Variants in TNR observed in about 807,000 individuals in gnomAD.
TNR encodes the protein tenascin R.
A neutral mutation model predicts 150.4 loss-of-function variants in TNR; 45 were observed. The observed-to-expected ratio is 0.30, with a 90% CI of 0.24 to 0.38. The LOEUF (loss-of-function observed/expected upper bound fraction) is 0.38. Among genes scored for constraint, TNR ranks in the 10% least tolerant of loss-of-function variants. TNR has a pLI of 1.00. For missense variants in TNR, 1,544 were observed against 1,759.1 expected (o/e 0.88, Z 2.19); for synonymous variants, 687 against 678.4 (o/e 1.01, Z -0.20).
chr1:175,714,853 T>C (rs1667112652), intron 1 of TNR, among the ~76,000 whole-genome samples: 1 of 152,214 alleles, frequency 6.6e-6, no homozygotes, highest in Non-Finnish European at 1.5e-5. Context: ...CTTGTGAGGC[T>C]GCCTGCTCAC....
At chr1:175,653,501 G>A (rs1259036275) in intron 1 of TNR, among the ~76,000 whole-genome samples, 1 of 152,180 alleles carries the variant, frequency 6.6e-6, no homozygotes, top group East Asian at 1.9e-4. Flanking sequence ...AGTGGGTGTT[G>A]ATAGGGCTAA....
intron 14 of TNR, among the ~76,000 whole-genome samples, chr1:175,360,320 TG>T (rs1190358797): frequency 1.3e-5 from 2 of 152,186 alleles, no homozygotes; most frequent in African/African-American, 4.8e-5. Context: ...ATCTGATTAT[TG>T]GATGATTGCT....
At chr1:175,673,668 C>CT in intron 1 of TNR, among the ~76,000 whole-genome samples, 1 of 152,312 alleles carries the variant, frequency 6.6e-6, no homozygotes, top group East Asian at 1.9e-4. Flanking sequence ...GCCTCACAAT[C>CT]GAAGTGAGTA....
intron 2 of TNR, among the ~76,000 whole-genome samples, chr1:175,498,109 C>T (rs1211025763): frequency 6.8e-6 from 1 of 146,854 alleles, no homozygotes; most frequent in African/African-American, 2.7e-5. Flanking sequence ...AAACAAAAAA[C>T]AAACAAAGAA....
chr1:175,571,543 A>G (rs76261079), intron 1 of TNR, among the ~76,000 whole-genome samples: 7,123 of 152,270 alleles, frequency 0.047, 575 homozygotes, highest in African/African-American at 0.16. Flanking sequence ...CCTGTATGCT[A>G]AAACCCTTCC....
At chr1:175,419,528 C>T (rs1654656279) in intron 2 of TNR, among the ~76,000 whole-genome samples, 1 of 152,124 alleles carries the variant, frequency 6.6e-6, no homozygotes, top group Non-Finnish European at 1.5e-5. Context: ...GCATGGTGTC[C>T]AATTCCTCTG....
At chr1:175,703,962 T>C (rs1170232416) in intron 1 of TNR, among the ~76,000 whole-genome samples, 1 of 152,228 alleles carries the variant, frequency 6.6e-6, no homozygotes, top group East Asian at 1.9e-4. Context: ...TTGTATTGTG[T>C]ATGGTAGTCA....
intron 14 of TNR, among the ~76,000 whole-genome samples, chr1:175,359,974 A>G (rs1651518219): frequency 1.3e-5 from 2 of 152,178 alleles, no homozygotes; most frequent in African/African-American, 2.4e-5. Context: ...CCTTTTAATT[A>G]ATTCAATAAC....
At chr1:175,562,553 G>A (rs567522974) in intron 1 of TNR, among the ~76,000 whole-genome samples, 1 of 152,350 alleles carries the variant, frequency 6.6e-6, no homozygotes, top group Non-Finnish European at 1.5e-5. Flanking sequence ...GAAAGGTTAT[G>A]GCTGAATGAC....
intron 2 of TNR, among the ~76,000 whole-genome samples, chr1:175,446,676 G>T (rs1656059194): frequency 6.6e-6 from 1 of 151,942 alleles, no homozygotes; most frequent in South Asian, 2.1e-4. Context: ...CAAATTATTT[G>T]TATAATTTTA....
At chr1:175,544,072 G>A (rs1470760798) in intron 1 of TNR, among the ~76,000 whole-genome samples, 3 of 152,168 alleles carry the variant, frequency 2.0e-5, no homozygotes, top group Non-Finnish European at 4.4e-5. Flanking sequence ...GACAAGCAAG[G>A]TTTGGTTATG....
At chr1:175,377,638 GCA>G (rs1652471260) in intron 9 of TNR, among the ~76,000 whole-genome samples, 1 of 151,992 alleles carries the variant, frequency 6.6e-6, no homozygotes, top group African/African-American at 2.4e-5. Context: ...TCTGGAAAAG[GCA>G]TTTATTATAT....
chr1:175,440,177 A>G (rs1195275802), intron 2 of TNR, among the ~76,000 whole-genome samples: 1 of 152,214 alleles, frequency 6.6e-6, no homozygotes, highest in Non-Finnish European at 1.5e-5. Flanking sequence ...CATATACGCC[A>G]TGGAATACTA....
chr1:175,481,983 G>A (rs1017700454), intron 2 of TNR, among the ~76,000 whole-genome samples: 3 of 152,122 alleles, frequency 2.0e-5, no homozygotes, highest in Admixed American at 6.5e-5. Context: ...CCCACCTGAT[G>A]CACTCAGCCT....
intron 1 of TNR, among the ~76,000 whole-genome samples, chr1:175,649,672 G>T (rs1664897107): frequency 6.6e-6 from 1 of 152,126 alleles, no homozygotes; most frequent in Non-Finnish European, 1.5e-5. Flanking sequence ...TTCCATGGGA[G>T]ACCACTGCCT....
chr1:175,331,618 G>A (rs115744049), intron 20 of TNR, among the ~76,000 whole-genome samples: 1 of 152,196 alleles, frequency 6.6e-6, no homozygotes, highest in African/African-American at 2.4e-5. Flanking sequence ...CATGCCCTGG[G>A]ACTCTCCAAT....
At chr1:175,493,663 C>T (rs564814976) in intron 2 of TNR, among the ~76,000 whole-genome samples, 18 of 152,352 alleles carry the variant, frequency 1.2e-4, no homozygotes, top group South Asian at 1.0e-3. Flanking sequence ...TTTCCATTCC[C>T]GACTCCGGTT....
At chr1:175,394,008 G>T in intron 5 of TNR, 113 bp from the exon 6 acceptor site, 1 of 818,642 alleles carries the variant, frequency 1.2e-6, no homozygotes, top group Non-Finnish European at 2.0e-6. Flanking sequence ...GGTGGTGTCT[G>T]GTGGACAATC....
At chr1:175,461,344 G>T (rs1656812390) in intron 2 of TNR, among the ~76,000 whole-genome samples, 1 of 152,086 alleles carries the variant, frequency 6.6e-6, no homozygotes, top group African/African-American at 2.4e-5. Flanking sequence ...GATGACTTTT[G>T]CTCCCAACAA....
Sources: gnomAD v4.1 joint callset for allele counts (sites outside exome capture counted in the v4.1 genomes callset) on GRCh38, gnomAD v4.1.1 for gene constraint, MANE v1.5 for transcripts, NCBI Gene and HGNC (gene_info 2026-07-23, HGNC 2026-07-21) for gene names.